ANKS1B: variants seen among roughly 807,000 people sequenced by gnomAD.
The protein encoded by ANKS1B is ankyrin repeat and sterile alpha motif domain-containing protein 1B.
A neutral mutation model predicts 148.3 loss-of-function variants in ANKS1B; 36 were observed. That is an observed-to-expected ratio of 0.24 (90% CI 0.19 to 0.32). The LOEUF (loss-of-function observed/expected upper bound fraction) is 0.32. ANKS1B is among the 10% of genes least tolerant of loss of function. The pLI, the probability that ANKS1B is intolerant of heterozygous loss-of-function variation, is 1.00. For synonymous variants in ANKS1B, 542 were observed against 560.8 expected (o/e 0.97, Z 0.47); for missense variants, 1,157 against 1,542.6 (o/e 0.75, Z 4.19).
chr12:99,455,074 G>A (rs2095823067), intron 10 of ANKS1B, among the ~76,000 whole-genome samples: 1 of 152,056 alleles, frequency 6.6e-6, no homozygotes, highest in Non-Finnish European at 1.5e-5. Flanking sequence ...CCCATTTTAG[G>A]TTGTATGCTT....
Position 98,826,496 on chromosome 12 carries a change from T to C in ANKS1B, c.3066+2678A>G, listed in dbSNP as rs139561842. 3.5e-4 allele frequency among the ~76,000 whole-genome samples: 53 copies of C among 152,274 alleles called. 5 individuals are homozygous for C. The highest frequency in any genetic ancestry group is 1.1e-3 in the African/African-American group (46 of 41,566). On this transcript the variant is annotated intron_variant, in intron 19 of 26. Transcript: ENST00000683438. ...AGAAGGCAAAACTCCTAATGAATTA[T>C]TGCGGCCACCAAGAACTTAAGGTTT...
At chr12:99,077,691 G>A (rs888591880) in intron 16 of ANKS1B, among the ~76,000 whole-genome samples, 15 of 152,214 alleles carry the variant, frequency 9.9e-5, no homozygotes, top group African/African-American at 2.4e-4. Context: ...GAGCACTAGC[G>A]TCTTTAAGAG....
At chr12:99,599,897 G>A (rs1345795850) in intron 9 of ANKS1B, among the ~76,000 whole-genome samples, 1 of 150,858 alleles carries the variant, frequency 6.6e-6, no homozygotes, top group African/African-American at 2.4e-5. Flanking sequence ...AAAATTTAGA[G>A]ATCTAGATTT....
intron 12 of ANKS1B, among the ~76,000 whole-genome samples, chr12:99,271,693 T>TATATATATATTTATATATATATAG (rs1566781275): frequency 7.0e-6 from 1 of 143,484 alleles, no homozygotes; most frequent in African/African-American, 2.6e-5. Flanking sequence ...TATATATATA[T>TATATATATATTTATATATATATAG]TTACTAAATG....
At chr12:99,296,772 T>C (rs936752454) in intron 12 of ANKS1B, among the ~76,000 whole-genome samples, 3 of 152,198 alleles carry the variant, frequency 2.0e-5, no homozygotes, top group Non-Finnish European at 4.4e-5. Flanking sequence ...GATAAGCGGA[T>C]ACTAAATATT....
intron 10 of ANKS1B, among the ~76,000 whole-genome samples, chr12:99,466,343 T>C (rs1189884316): frequency 6.6e-6 from 1 of 151,826 alleles, no homozygotes; most frequent in Non-Finnish European, 1.5e-5. Context: ...GCAGGAAAGA[T>C]CCAAAATTGA....
At chr12:99,444,330 C>A (rs1345517632) in intron 10 of ANKS1B, among the ~76,000 whole-genome samples, 1 of 151,922 alleles carries the variant, frequency 6.6e-6, no homozygotes, top group Non-Finnish European at 1.5e-5. Context: ...TGATGAAAAA[C>A]TGAAATTTGT....
chr12:99,817,773 T>G (rs2082057416), intron 2 of ANKS1B, among the ~76,000 whole-genome samples: 1 of 151,818 alleles, frequency 6.6e-6, no homozygotes, highest in South Asian at 2.1e-4. Context: ...AGGTTAAGCA[T>G]TTTTTCATAT....
chr12:99,619,499 G>A (rs1339395479), intron 9 of ANKS1B, among the ~76,000 whole-genome samples: 1 of 151,862 alleles, frequency 6.6e-6, no homozygotes, highest in Non-Finnish European at 1.5e-5. Flanking sequence ...CATTCACCTG[G>A]TTCAGCAGCC....
At position 99,405,988 on chromosome 12, in the gene ANKS1B, T is replaced by C. The variant is rs1415063341; in HGVS notation, c.1576-6177A>G. Reference sequence around the variant, plus strand: ...GGTGAAAATCAAGAAGATGATATCATAATTTCAAATATATACGCACCCAGA... The same window carrying C: ...GGTGAAAATCAAGAAGATGATATCACAATTTCAAATATATACGCACCCAGA... On this transcript the variant is annotated intron_variant, in intron 11 of 26. Transcript: ENST00000683438. Among the ~76,000 whole-genome samples the C allele has an allele frequency of 2.7e-5, 4 of 145,546 alleles. 1 individual carries two copies. Among genetic ancestry groups the C allele is most frequent in the African/African-American group, 5.2e-5 (2 of 38,508 alleles).
intron 12 of ANKS1B, among the ~76,000 whole-genome samples, chr12:99,254,962 C>A (rs1008114443): frequency 1.3e-5 from 2 of 152,084 alleles, no homozygotes; most frequent in Non-Finnish European, 2.9e-5. Context: ...AGAAATAGGC[C>A]TTTGGTTTTA....
At chr12:99,800,934 G>A (rs889700120) in intron 4 of ANKS1B, among the ~76,000 whole-genome samples, 1 of 152,108 alleles carries the variant, frequency 6.6e-6, no homozygotes, top group Non-Finnish European at 1.5e-5. Context: ...AGATGTTTGA[G>A]TACTAAGCCC....
chr12:99,947,330 G>C lies in ANKS1B; in HGVS notation c.134+36774C>G, dbSNP rs969438250. ...CAATACAAAACACCAAAGGAAATGA[G>C]ATCTGAGGTCTCTAAGTTTACTAAG... On this transcript the variant is annotated intron_variant, in intron 1 of 26. Coordinates refer to ENST00000683438, the MANE Select transcript of ANKS1B (RefSeq NM_001352186.2). Among the ~76,000 whole-genome samples, 130 of 151,128 alleles carry C rather than the reference G, an allele frequency of 8.6e-4. 2 individuals are homozygous for C. Among genetic ancestry groups the C allele is most frequent in the African/African-American group, 2.8e-3 (115 of 41,258 alleles).
At chr12:99,084,837 T>G (rs2051076377) in intron 16 of ANKS1B, 88 bp downstream of exon 16, 1 of 991,012 alleles carries the variant, frequency 1.0e-6, no homozygotes, top group Admixed American at 2.5e-5. Context: ...GTAGAACTAC[T>G]GTACTAAATA....
chr12:99,116,702 G>T (rs2061511161), intron 15 of ANKS1B, among the ~76,000 whole-genome samples: 1 of 152,046 alleles, frequency 6.6e-6, no homozygotes, highest in South Asian at 2.1e-4. Flanking sequence ...TGTTCCATAT[G>T]AAATTTAAAG....
At chr12:99,689,750 C>G (rs117261382) in intron 8 of ANKS1B, among the ~76,000 whole-genome samples, 1 of 152,264 alleles carries the variant, frequency 6.6e-6, no homozygotes, top group Non-Finnish European at 1.5e-5. Flanking sequence ...AAGCAACTCT[C>G]CTCCAATAGT....
chr12:98,893,266 G>A lies in ANKS1B; in HGVS notation c.2779-61130C>T, dbSNP rs960711141. On this transcript the variant is annotated intron_variant, in intron 17 of 26. Coordinates refer to ENST00000683438, the MANE Select transcript of ANKS1B (RefSeq NM_001352186.2). ...GAAACACTTCTGAGGAAGCCTTTCCGGTGGCATAATGCCAGCACTACTCAT... is the reference window on the plus strand; with the variant it reads ...GAAACACTTCTGAGGAAGCCTTTCCAGTGGCATAATGCCAGCACTACTCAT... 5.3e-5 allele frequency among the ~76,000 whole-genome samples: 8 copies of A among 152,100 alleles called. No homozygotes were observed. In the East Asian group the frequency reaches 9.6e-4, roughly 18 times the overall value.
chr12:99,369,816 G>A (rs1002299621), intron 12 of ANKS1B, among the ~76,000 whole-genome samples: 52 of 149,542 alleles, frequency 3.5e-4, no homozygotes, highest in South Asian at 2.1e-4. Context: ...ACGGACGGAC[G>A]GACAGACGGA....
chr12:99,489,678 T>C (rs1417177721), intron 10 of ANKS1B, among the ~76,000 whole-genome samples: 1 of 152,216 alleles, frequency 6.6e-6, no homozygotes, highest in Non-Finnish European at 1.5e-5. Flanking sequence ...TCCAGCATCC[T>C]CATAGATGCC....
Sources: allele counts gnomAD v4.1 joint callset (sites outside exome capture counted in the v4.1 genomes callset), GRCh38; gene constraint gnomAD v4.1.1; transcripts MANE v1.5; gene names NCBI Gene and HGNC (gene_info 2026-07-23, HGNC 2026-07-21).